Variants in TLCD3B observed in about 807,000 individuals in gnomAD.
TLCD3B encodes the protein TLC domain containing 3B, also known as ceramide synthase.
In TLCD3B, 9 loss-of-function variants were observed where a neutral mutation model predicts 23.0. That is an observed-to-expected ratio of 0.39 (90% CI 0.24 to 0.68). The LOEUF is 0.68. TLCD3B is among the 30% of genes least tolerant of loss of function. TLCD3B has a pLI of 0.44. For synonymous variants in TLCD3B, 161 were observed against 161.0 expected (o/e 1.00, Z 0.00); for missense variants, 307 against 371.8 (o/e 0.83, Z 1.43).
upstream of TLCD3B, chr16:30,035,443 G>C: frequency 7.8e-7 from 1 of 1,289,596 alleles, no homozygotes; most frequent in Non-Finnish European, 1.0e-6. Flanking sequence ...ACAACGGGAA[G>C]AAGACGCAAC....
chr16:30,037,804 A>G (rs889830401), intron 3 of TLCD3B, among the ~76,000 whole-genome samples: 1 of 152,156 alleles, frequency 6.6e-6, no homozygotes, highest in Non-Finnish European at 1.5e-5. Flanking sequence ...AAAGAAGGCC[A>G]TTTCTACTGT....
intron 2 of TLCD3B, among the ~76,000 whole-genome samples, chr16:30,043,350 A>G (rs984382287): frequency 1.3e-5 from 2 of 151,928 alleles, no homozygotes; most frequent in African/African-American, 4.8e-5. Context: ...CAGCCTCCCA[A>G]GTGGCTGGGA....
chr16:30,046,653 G>A (rs2071679442), intron 1 of TLCD3B: 2 of 152,226 alleles, frequency 1.3e-5, no homozygotes, highest in Non-Finnish European at 1.5e-5. Context: ...GCAGGTGATT[G>A]GAGTCAGACA....
chr16:30,043,328 A>T (rs1191289856), intron 2 of TLCD3B, among the ~76,000 whole-genome samples: 2 of 151,984 alleles, frequency 1.3e-5, no homozygotes, highest in Non-Finnish European at 2.9e-5. Flanking sequence ...TGCTCAGGGG[A>T]TCCTCCTGCC....
chr16:30,039,273 G>A (rs568858036), intron 3 of TLCD3B, among the ~76,000 whole-genome samples: 3 of 151,866 alleles, frequency 2.0e-5, no homozygotes, highest in African/African-American at 4.8e-5. Flanking sequence ...ACAGCCATGC[G>A]CCACCACGCC....
At chr16:30,042,934 T>C (rs918478082) in intron 2 of TLCD3B, among the ~76,000 whole-genome samples, 1 of 151,842 alleles carries the variant, frequency 6.6e-6, no homozygotes, top group Non-Finnish European at 1.5e-5. Flanking sequence ...CCATTTCTAC[T>C]AAAAATACAA....
chr16:30,039,103 CTTTTTTTT>C (rs1018184417), intron 3 of TLCD3B, among the ~76,000 whole-genome samples: 2 of 99,616 alleles, frequency 2.0e-5, no homozygotes, highest in African/African-American at 4.1e-5. Context: ...TCCTTCCTCT[CTTTTTTTT>C]TTTTTTTTTT....
chr16:30,050,068 A>T (rs1208210516), intron 1 of TLCD3B, among the ~76,000 whole-genome samples: 2 of 152,340 alleles, frequency 1.3e-5, no homozygotes, highest in East Asian at 3.9e-4. Context: ...CATGGTAGGA[A>T]CAAAACACCA....
chr16:30,036,484 A>C lies in TLCD3B; in HGVS notation c.-66-270T>G, dbSNP rs971568897. The C allele has an allele frequency of 2.9e-5, 33 of 1,154,720 alleles. No individual in the cohort carries two copies. The African/African-American group carries it at 5.0e-4, about 18-fold the overall frequency. The allele number at this position is 1,154,720 out of a possible 1,614,324, so 71.5% of individuals were successfully genotyped here. The stretch of plus-strand genomic sequence containing the variant: ...AGGTCCTGCCATCCTGCCTTCCTGA[A>C]GTGTCTTCCAAGGGACCTTCTCGGG... On this transcript the variant is annotated intron_variant, in intron 3 of 6. Transcript: ENST00000561666.
In TLCD3B at chr16:30,025,186, G is replaced by C. The variant is rs778876805; in HGVS notation, c.822C>G (p.Asp274Glu). Residue 274 changes from aspartate (D) to glutamate (E), a missense_variant, in exon 5 of 5, where the codon GAC (aspartate) becomes GAG (glutamate). Asp to Glu is a conservative substitution (Grantham distance 45). Transcript: ENST00000380495. The surrounding 1 kb of genome is among the most constrained non-coding windows in gnomAD (Gnocchi z 4.1). ...GGGAGGGTCCCGGCCCCCGGCCTCA[G>C]TCCTGGGCCTGGCAGGCCGGGGGCG... ...SRPPPACQAQ[D>E] The C allele has an allele frequency of 1.8e-4, 260 of 1,467,450 alleles. No homozygotes were observed. The highest frequency in any genetic ancestry group is 2.2e-4 in the Non-Finnish European group (242 of 1,114,902). The allele number at this position is 1,467,450 out of a possible 1,614,324, so 90.9% of individuals were successfully genotyped here.
intron 2 of TLCD3B, 142 bp from the exon 3 acceptor site, chr16:30,026,985 G>A: frequency 2.7e-6 from 2 of 744,910 alleles, no homozygotes; most frequent in East Asian, 5.4e-5. Context: ...GGTAGAGGGT[G>A]AGAAACTTGC....
intron 1 of TLCD3B, among the ~76,000 whole-genome samples, chr16:30,050,108 C>T (rs1048737313): frequency 1.4e-4 from 22 of 152,168 alleles, no homozygotes; most frequent in African/African-American, 5.1e-4. Context: ...CTGCAGGCCA[C>T]GGACGTGTCC....
chr16:30,026,700 G>A lies in TLCD3B; in HGVS notation c.353C>T (p.Thr118Met), dbSNP rs532025183. Residue 118 changes from threonine (T) to methionine (M), a missense_variant, in exon 3 of 5, where the codon ACG (threonine) becomes ATG (methionine). Thr to Met is a moderately conservative substitution (Grantham distance 81). Transcript: ENST00000380495. ...CAGGTAGCCACGCGCTATGGCCCAC[G>A]TGCTGCCCGGGGCTCTGGCCGCTCC... ...DDGAARAPGSTWAIARGYLHK... is the reference protein window; with the variant it reads ...DDGAARAPGSMWAIARGYLHK... 105 of 1,613,962 alleles carry A rather than the reference G, an allele frequency of 6.5e-5. 1 individual carries two copies. The highest frequency in any genetic ancestry group is 4.9e-4 in the Middle Eastern group (3 of 6,062).
At chr16:30,044,190 T>C (rs928789146) in intron 2 of TLCD3B, among the ~76,000 whole-genome samples, 2 of 151,166 alleles carry the variant, frequency 1.3e-5, no homozygotes, top group African/African-American at 2.4e-5. Context: ...AGAGATGGGG[T>C]TTCACCATGT....
At chr16:30,040,530 G>A (rs760683373) in intron 3 of TLCD3B, among the ~76,000 whole-genome samples, 25 of 152,078 alleles carry the variant, frequency 1.6e-4, no homozygotes, top group Non-Finnish European at 3.2e-4. Context: ...AAAAGGAGGC[G>A]AAGAGAGGGG....
chr16:30,030,559 G>A lies in TLCD3B; in HGVS notation c.-32C>T, dbSNP rs562878688. 42 of 1,544,856 alleles carry A rather than the reference G, an allele frequency of 2.7e-5. No homozygotes were observed. Among genetic ancestry groups the A allele is most frequent in the African/African-American group, 2.6e-4 (19 of 72,224 alleles). On this transcript the variant is annotated 5_prime_UTR_variant, in exon 1 of 5. Transcript: ENST00000380495. ...TCAGGACTTGGGCAGGGAGGCAGGC[G>A]GGCCGTGAAGGGGCAGGGAGGCCGA...
In TLCD3B at chr16:30,026,773, G is replaced by C; in HGVS notation, c.280C>G (p.Leu94Val). 1.2e-6 allele frequency: 2 copies of C among 1,614,180 alleles called. No homozygotes were observed. Among genetic ancestry groups the C allele is most frequent in the Non-Finnish European group, 1.7e-6 (2 of 1,180,026 alleles). Residue 94 changes from leucine to valine, a missense_variant, in exon 3 of 5, where the codon CTC becomes GTC. Leu to Val is a conservative substitution (Grantham distance 32). Transcript: ENST00000380495. ...ACCTGGTGCTTGTGCCAGTGACAGA[G>C]GAACATGGCGTAGATGTCGTAGATG... is the stretch of plus-strand genomic sequence containing the variant. The part of the protein sequence containing the change: ...YFIYDIYAMF[L>V]CHWHKHQVKG...
intron 2 of TLCD3B, chr16:30,027,289 C>A: frequency 4.9e-6 from 2 of 408,422 alleles, no homozygotes; most frequent in South Asian, 1.7e-5. Context: ...CCATTCCTGC[C>A]TCCTGGGACA....
At chr16:30,034,788 C>G (rs2150987929), upstream of TLCD3B, among the ~76,000 whole-genome samples, 1 of 152,264 alleles carries the variant, frequency 6.6e-6, no homozygotes, top group Non-Finnish European at 1.5e-5. Context: ...GATCCTCACA[C>G]AACATCTCCA....
Sources: allele counts gnomAD v4.1 joint callset (sites outside exome capture counted in the v4.1 genomes callset), GRCh38; gene constraint gnomAD v4.1.1; non-coding constraint Gnocchi (gnomAD v3.1); transcripts MANE v1.5; gene names NCBI Gene and HGNC (gene_info 2026-07-23, HGNC 2026-07-21).